NCOA1: variants seen among roughly 807,000 people sequenced by gnomAD.
NCOA1 encodes Hin-2 protein.
Under a neutral mutation model 150.9 loss-of-function variants are expected in NCOA1, and 35 were observed. The ratio of observed to expected loss-of-function variants is 0.23; its 90% CI spans 0.18 to 0.31. The LOEUF (loss-of-function observed/expected upper bound fraction) is 0.31. Ranked by LOEUF, NCOA1 falls within the 10% of genes least tolerant of loss-of-function variation. The probability of loss-of-function intolerance (pLI) is 1.00; values close to 1 mark genes in which losing one functional copy is unlikely to be tolerated. For synonymous variants in NCOA1, 590 were observed against 630.0 expected (o/e 0.94, Z 0.95); for missense variants, 1,491 against 1,749.3 (o/e 0.85, Z 2.63).
intron 2 of NCOA1, among the ~76,000 whole-genome samples, chr2:24,571,679 C>A (rs12612714): frequency 0.44 from 67,281 of 151,948 alleles, 16,420 homozygotes; most frequent in Admixed American, 0.61. Flanking sequence ...AGGAGTTCAC[C>A]TTTTAAAGAC....
Position 24,553,693 on chromosome 2 carries a change from G to GT in NCOA1, c.-395-10600dup, listed in dbSNP as rs566309493. On this transcript the variant is annotated intron_variant, in intron 1 of 22. Transcript: ENST00000348332. Reference sequence around the variant, plus strand: ...TCAGTATATTGGCTAGATTCATTTGGTTAAGATATTTTCCATCTATGTTCA... The same window carrying GT: ...TCAGTATATTGGCTAGATTCATTTGGTTTAAGATATTTTCCATCTATGTTCA... 5.3e-5 allele frequency among the ~76,000 whole-genome samples: 8 copies of GT among 152,222 alleles called. No homozygotes were observed. In the South Asian group the frequency reaches 1.7e-3, roughly 32 times the overall value.
At chr2:24,735,810 A>T (rs1024445703) in intron 17 of NCOA1, among the ~76,000 whole-genome samples, 2 of 152,184 alleles carry the variant, frequency 1.3e-5, no homozygotes, top group African/African-American at 4.8e-5. Flanking sequence ...ATACCCGCTT[A>T]CTCCTCAAAT....
chr2:24,635,189 T>C (rs1669887474), intron 3 of NCOA1, among the ~76,000 whole-genome samples: 1 of 152,186 alleles, frequency 6.6e-6, no homozygotes, highest in East Asian at 1.9e-4. Flanking sequence ...ATTTCTCCTG[T>C]CTTTTTTGGT....
At chr2:24,712,957 C>T (rs1365012497) in intron 14 of NCOA1, among the ~76,000 whole-genome samples, 4 of 152,076 alleles carry the variant, frequency 2.6e-5, no homozygotes, top group African/African-American at 9.7e-5. Flanking sequence ...AGGCCAGGTG[C>T]GGTGGCTCAC....
chr2:24,634,648 G>T (rs1347068863), intron 3 of NCOA1, among the ~76,000 whole-genome samples: 2 of 145,720 alleles, frequency 1.4e-5, no homozygotes, highest in Admixed American at 1.4e-4. Flanking sequence ...AGCTGTGGGG[G>T]TTTATTAAGG....
At chr2:24,599,725 CTTTTT>C (rs33950079) in intron 3 of NCOA1, among the ~76,000 whole-genome samples, 2 of 108,490 alleles carry the variant, frequency 1.8e-5, no homozygotes, top group Admixed American at 1.0e-4. Flanking sequence ...TATGATTGAT[CTTTTT>C]TTTTTTTTTT....
chr2:24,541,399 A>T lies in NCOA1; in HGVS notation c.-395-22896A>T, dbSNP rs80075378. 8.7e-3 allele frequency among the ~76,000 whole-genome samples: 1,322 copies of T among 152,324 alleles called. 23 individuals are homozygous for T. Among genetic ancestry groups the T allele is most frequent in the African/African-American group, 0.03 (1,243 of 41,564 alleles). On this transcript the variant is annotated intron_variant, in intron 1 of 22. Transcript: ENST00000348332. The stretch of plus-strand genomic sequence containing the variant: ...TAAGAAAGGACTGAGTAGTGATTTG[A>T]TAACTAAGAGATGACCAAAACAGGA...
chr2:24,677,871 CTT>C (rs1009081329), intron 7 of NCOA1, among the ~76,000 whole-genome samples: 1 of 150,206 alleles, frequency 6.7e-6, no homozygotes, highest in Non-Finnish European at 1.5e-5. Flanking sequence ...ATGTGCCACA[CTT>C]TTTTTTTTCT....
At chr2:24,634,560 A>G (rs1439527251) in intron 3 of NCOA1, among the ~76,000 whole-genome samples, 2 of 152,204 alleles carry the variant, frequency 1.3e-5, no homozygotes, top group African/African-American at 4.8e-5. Context: ...CATCAGAAGT[A>G]GATAATGAAG....
chr2:24,737,259 G>A (rs1663358781), intron 17 of NCOA1, among the ~76,000 whole-genome samples: 1 of 152,096 alleles, frequency 6.6e-6, no homozygotes, highest in Admixed American at 6.6e-5. Context: ...AGAAGAGGCA[G>A]GTCAAAATAA....
At chr2:24,720,529 G>T (rs539690340) in intron 14 of NCOA1, among the ~76,000 whole-genome samples, 1 of 152,116 alleles carries the variant, frequency 6.6e-6, no homozygotes, top group Admixed American at 6.6e-5. Context: ...TAATATGTTC[G>T]CAAAGGCCAA....
At chr2:24,622,743 G>T (rs1405684308) in intron 3 of NCOA1, among the ~76,000 whole-genome samples, 1 of 151,980 alleles carries the variant, frequency 6.6e-6, no homozygotes, top group African/African-American at 2.4e-5. Context: ...AATTTTTATT[G>T]CCCATATGCA....
chr2:24,726,713 A>T lies in NCOA1; in HGVS notation c.2717+7A>T. 6.4e-7 allele frequency: 1 copy of T among 1,561,650 alleles called. No individual in the cohort carries two copies. The highest frequency in any genetic ancestry group is 2.3e-5 in the East Asian group (1 of 43,702). On this transcript the variant is annotated splice_region_variant and intron_variant, in intron 15 of 22. Transcript: ENST00000348332. ...ATCAGAGTAAATCAGAAGAGTAAGT[A>T]ATACATTTTGTATTTTATAAGGTAT...
chr2:24,710,870 C>T lies in NCOA1; in HGVS notation c.2419-61C>T. On this transcript the variant is annotated intron_variant, in intron 13 of 22. Coordinates refer to ENST00000348332, the MANE Select transcript of NCOA1 (RefSeq NM_003743.5). ...GAGTTTAAAGAAGCAGCATTTTTTT[C>T]TACGTTGTTTCAGGTGAAAGTGTAA... The T allele has an allele frequency of 2.1e-5, 32 of 1,502,890 alleles. No individual in the cohort carries two copies. The Admixed American group carries it at 2.7e-4, about 13-fold the overall frequency. 93.1% of individuals were successfully genotyped at this position (1,502,890 alleles called of 1,614,324 possible). A position where few individuals can be genotyped will look rare whatever the true frequency, so the allele number is the denominator to read the frequency against.
chr2:24,555,481 G>A (rs781443957), intron 1 of NCOA1, among the ~76,000 whole-genome samples: 3 of 152,156 alleles, frequency 2.0e-5, no homozygotes, highest in Non-Finnish European at 4.4e-5. Flanking sequence ...AAGTTAGTTG[G>A]TAATGTTTTC....
intron 1 of NCOA1, among the ~76,000 whole-genome samples, chr2:24,536,482 C>T (rs139603321): frequency 6.6e-6 from 1 of 152,330 alleles, no homozygotes; most frequent in African/African-American, 2.4e-5. Flanking sequence ...CTCCATCCAG[C>T]TCTGTTCCGT....
intron 8 of NCOA1, among the ~76,000 whole-genome samples, chr2:24,685,677 T>C (rs1031492470): frequency 3.9e-5 from 6 of 152,210 alleles, no homozygotes; most frequent in African/African-American, 1.4e-4. Context: ...CCTCTAGGCC[T>C]CATCGTTGGT....
At chr2:24,688,201 G>A (rs1672496823) in intron 8 of NCOA1, among the ~76,000 whole-genome samples, 1 of 152,152 alleles carries the variant, frequency 6.6e-6, no homozygotes, top group Admixed American at 6.5e-5. Context: ...TGTGAATACT[G>A]TGGCAATGAA....
chr2:24,575,299 T>C (rs1323855920), intron 2 of NCOA1, among the ~76,000 whole-genome samples: 1 of 152,136 alleles, frequency 6.6e-6, no homozygotes, highest in Non-Finnish European at 1.5e-5. Context: ...TATTTTTAAT[T>C]TCTAGAAGCT....
Sources: allele counts gnomAD v4.1 joint callset (sites outside exome capture counted in the v4.1 genomes callset), GRCh38; gene constraint gnomAD v4.1.1; transcripts MANE v1.5; gene names NCBI Gene and HGNC (gene_info 2026-07-23, HGNC 2026-07-21).